PTGER3: variants seen among roughly 807,000 people sequenced by gnomAD.
PTGER3 encodes prostaglandin E receptor 3, also known as prostaglandin E2 receptor EP3 subtype.
In PTGER3, 22 loss-of-function variants were observed where a neutral mutation model predicts 34.7. The ratio of observed to expected loss-of-function variants is 0.63; its 90% CI spans 0.45 to 0.91. The LOEUF (loss-of-function observed/expected upper bound fraction) is 0.91, where lower values mean the gene tolerates loss of function less well. Among genes scored for constraint, PTGER3 ranks in the 40% least tolerant of loss-of-function variants. PTGER3 has a pLI of 0.00. For missense variants in PTGER3, 468 were observed against 519.4 expected (o/e 0.90, Z 0.96); for synonymous variants, 241 against 230.1 (o/e 1.05, Z -0.43).
chr1:71,001,262 A>C (rs1197233159), intron 2 of PTGER3, among the ~76,000 whole-genome samples: 1 of 151,992 alleles, frequency 6.6e-6, no homozygotes, highest in Non-Finnish European at 1.5e-5. Flanking sequence ...ACACACACAC[A>C]AATAAGCACA....
At chr1:70,924,843 G>A (rs968079418) in intron 4 of PTGER3, among the ~76,000 whole-genome samples, 2 of 151,876 alleles carry the variant, frequency 1.3e-5, no homozygotes, top group African/African-American at 4.8e-5. Context: ...ATTATTTCTT[G>A]CGTGAGATCC....
At chr1:70,868,751 A>G (rs980292653) in intron 4 of PTGER3, among the ~76,000 whole-genome samples, 3 of 152,226 alleles carry the variant, frequency 2.0e-5, no homozygotes, top group African/African-American at 7.2e-5. Flanking sequence ...AAACTCATGC[A>G]TGAGTTCCAA....
chr1:70,879,072 A>G (rs555479180), intron 4 of PTGER3, among the ~76,000 whole-genome samples: 12 of 152,254 alleles, frequency 7.9e-5, no homozygotes, highest in African/African-American at 2.6e-4. Context: ...ATGGAGTGTT[A>G]AAATCTCCTA....
chr1:70,954,252 A>G (rs1651081724), intron 2 of PTGER3, among the ~76,000 whole-genome samples: 1 of 152,172 alleles, frequency 6.6e-6, no homozygotes, highest in Non-Finnish European at 1.5e-5. Context: ...CAGGCTGGCC[A>G]AGAGGATCCA....
At chr1:71,020,378 T>C (rs1658298280) in intron 1 of PTGER3, among the ~76,000 whole-genome samples, 1 of 152,206 alleles carries the variant, frequency 6.6e-6, no homozygotes, top group African/African-American at 2.4e-5. Context: ...AGTTTTGCCA[T>C]CATTTACAAC....
chr1:71,009,477 A>T, intron 2 of PTGER3: 1 of 982,754 alleles, frequency 1.0e-6, no homozygotes. Flanking sequence ...TTCAACTTCA[A>T]GATATTTTTA....
intron 2 of PTGER3, among the ~76,000 whole-genome samples, chr1:70,976,059 C>A (rs1653664000): frequency 6.6e-6 from 1 of 151,846 alleles, no homozygotes; most frequent in South Asian, 2.1e-4. Context: ...TAGAAGCAGA[C>A]TACAGCTGTA....
chr1:70,958,953 T>C (rs1651639314), intron 2 of PTGER3, among the ~76,000 whole-genome samples: 1 of 152,216 alleles, frequency 6.6e-6, no homozygotes, highest in African/African-American at 2.4e-5. Flanking sequence ...CCAATGTGTG[T>C]TCTTGGCATC....
chr1:70,923,179 G>C (rs1370110574), intron 4 of PTGER3, among the ~76,000 whole-genome samples: 1 of 149,408 alleles, frequency 6.7e-6, no homozygotes, highest in African/African-American at 2.5e-5. Flanking sequence ...AATCATACAA[G>C]AAGCATTGCC....
At chr1:71,005,893 A>T in intron 2 of PTGER3, 1 of 893,208 alleles carries the variant, frequency 1.1e-6, no homozygotes, top group Non-Finnish European at 1.3e-6. Flanking sequence ...ATTTATTTTA[A>T]TAATCACAAT....
At chr1:70,976,376 T>G (rs1375260249) in intron 2 of PTGER3, among the ~76,000 whole-genome samples, 1 of 152,090 alleles carries the variant, frequency 6.6e-6, no homozygotes, top group East Asian at 1.9e-4. Flanking sequence ...GATTCATCAA[T>G]TGCAATAAAC....
At chr1:70,947,052 T>G (rs1178463456) in intron 4 of PTGER3, among the ~76,000 whole-genome samples, 1 of 152,154 alleles carries the variant, frequency 6.6e-6, no homozygotes, top group Non-Finnish European at 1.5e-5. Flanking sequence ...CACTGTGTTC[T>G]TGGGGAAGTC....
intron 1 of PTGER3, among the ~76,000 whole-genome samples, chr1:71,019,755 G>A (rs1658232495): frequency 1.3e-5 from 2 of 152,054 alleles, no homozygotes; most frequent in South Asian, 2.1e-4. Context: ...AATGCCTTGG[G>A]TTGTAGGCCA....
chr1:70,984,196 G>A (rs1224098033), intron 2 of PTGER3, among the ~76,000 whole-genome samples: 3 of 151,984 alleles, frequency 2.0e-5, no homozygotes, highest in African/African-American at 7.3e-5. Flanking sequence ...AGACCAGCCT[G>A]ACCAACGTGG....
At chr1:70,899,208 G>T (rs1198413042) in intron 4 of PTGER3, among the ~76,000 whole-genome samples, 1 of 152,192 alleles carries the variant, frequency 6.6e-6, no homozygotes, top group Non-Finnish European at 1.5e-5. Flanking sequence ...GTTACTGGGT[G>T]CTGGAGATTC....
At position 71,034,596 on chromosome 1, in the gene PTGER3, T is replaced by C. The variant is rs79739654; in HGVS notation, c.897+12085A>G. Among the ~76,000 whole-genome samples, 615 of 152,302 alleles carry C rather than the reference T, an allele frequency of 4.0e-3. 3 individuals are homozygous for C. The highest frequency in any genetic ancestry group is 6.8e-3 in the Middle Eastern group (2 of 294). On this transcript the variant is annotated intron_variant, in intron 1 of 3. Coordinates refer to ENST00000306666, the MANE Select transcript of PTGER3 (RefSeq NM_198719.2). ...GTAACCTCTTTGTGATAAAACATAATAGTAAAATAAAAATAAATGTAGTAT... is the reference window on the plus strand; with the variant it reads ...GTAACCTCTTTGTGATAAAACATAACAGTAAAATAAAAATAAATGTAGTAT...
chr1:71,017,163 C>T (rs1341635978), intron 1 of PTGER3, among the ~76,000 whole-genome samples: 1 of 151,972 alleles, frequency 6.6e-6, no homozygotes, highest in Non-Finnish European at 1.5e-5. Flanking sequence ...TCCTAGATTA[C>T]CTGCGTGGAC....
intron 2 of PTGER3, among the ~76,000 whole-genome samples, chr1:70,991,496 G>T (rs554697694): frequency 2.4e-4 from 37 of 152,276 alleles, no homozygotes; most frequent in Admixed American, 7.8e-4. Context: ...GGGAGGGAAG[G>T]TTTCTAGGGA....
At chr1:71,006,477 G>T (rs1177921399) in intron 2 of PTGER3, 1 of 985,290 alleles carries the variant, frequency 1.0e-6, no homozygotes, top group East Asian at 1.1e-4. Flanking sequence ...TGTACTATGA[G>T]CAAGGACAAT....
Sources: gnomAD v4.1 joint callset for allele counts (sites outside exome capture counted in the v4.1 genomes callset) on GRCh38, gnomAD v4.1.1 for gene constraint, MANE v1.5 for transcripts, NCBI Gene and HGNC (gene_info 2026-07-23, HGNC 2026-07-21) for gene names.